HCN1: variants seen among roughly 807,000 people sequenced by gnomAD.
HCN1 encodes hyperpolarization activated cyclic nucleotide gated potassium channel 1.
HCN1 carries 13 observed loss-of-function variants against 78.9 expected under a neutral mutation model. The observed-to-expected ratio is 0.16, with a 90% CI of 0.11 to 0.26. The LOEUF is 0.26. HCN1 is among the 10% of genes least tolerant of loss of function. The pLI, the probability that HCN1 is intolerant of heterozygous loss-of-function variation, is 1.00. For synonymous variants in HCN1, 552 were observed against 455.5 expected, an observed-to-expected ratio of 1.21 and a Z score of -2.70; for missense variants, 810 against 1,154.3, an observed-to-expected ratio of 0.70 and a Z score of 4.32.
intron 2 of HCN1, among the ~76,000 whole-genome samples, chr5:45,598,281 T>A (rs965807495): frequency 2.0e-5 from 3 of 152,158 alleles, no homozygotes; most frequent in Admixed American, 1.3e-4. Flanking sequence ...AATCATCTGA[T>A]CTTCAACAAA....
rs1369806441 is a variant in HCN1, at chr5:45,384,816, C to T, written c.1230+11676G>A. Among the ~76,000 whole-genome samples, 4 of 152,128 alleles carry T rather than the reference C, an allele frequency of 2.6e-5. No homozygotes were observed. In the East Asian group the frequency reaches 7.7e-4, roughly 29 times the overall value. On this transcript the variant is annotated intron_variant, in intron 4 of 7. Coordinates refer to ENST00000303230, the MANE Select transcript of HCN1 (RefSeq NM_021072.4). ...CACATTTGTTTGGGAAATAAGAATG[C>T]TGCTTTGTATCTTTGTGACTCTGCT...
At chr5:45,520,219 T>C (rs557607216) in intron 2 of HCN1, among the ~76,000 whole-genome samples, 2 of 152,136 alleles carry the variant, frequency 1.3e-5, no homozygotes, top group South Asian at 2.1e-4. Context: ...CATTACTGCA[T>C]TGGTCATATG....
intron 1 of HCN1, among the ~76,000 whole-genome samples, chr5:45,695,316 G>A (rs921411796): frequency 1.3e-5 from 2 of 152,066 alleles, no homozygotes; most frequent in Non-Finnish European, 1.5e-5. Context: ...GTGGCTTCCC[G>A]CTTCCTCACG....
chr5:45,296,977 C>G (rs1471537066), intron 6 of HCN1, among the ~76,000 whole-genome samples: 2 of 151,972 alleles, frequency 1.3e-5, no homozygotes, highest in African/African-American at 4.8e-5. Flanking sequence ...CAGGGAAACC[C>G]TAACCCAGTG....
intron 2 of HCN1, among the ~76,000 whole-genome samples, chr5:45,567,169 T>C (rs1743724570): frequency 6.6e-6 from 1 of 152,160 alleles, no homozygotes; most frequent in South Asian, 2.1e-4. Context: ...ATATATCAAT[T>C]GAATGGAAAT....
chr5:45,611,201 T>A (rs935918197), intron 2 of HCN1, among the ~76,000 whole-genome samples: 3 of 149,602 alleles, frequency 2.0e-5, no homozygotes, highest in African/African-American at 7.3e-5. Flanking sequence ...CAGGGACGCA[T>A]CACCACACCT....
At chr5:45,675,900 G>C (rs1446692733) in intron 1 of HCN1, among the ~76,000 whole-genome samples, 1 of 151,784 alleles carries the variant, frequency 6.6e-6, no homozygotes, top group Non-Finnish European at 1.5e-5. Flanking sequence ...AAGCTCAAGA[G>C]TGAAAAGAGA....
intron 2 of HCN1, among the ~76,000 whole-genome samples, chr5:45,463,176 T>A (rs1318650079): frequency 6.6e-6 from 1 of 152,016 alleles, no homozygotes; most frequent in African/African-American, 2.4e-5. Flanking sequence ...AAAAAATACA[T>A]TTGGTTTTAG....
chr5:45,287,031 G>T (rs1198424510), intron 6 of HCN1, among the ~76,000 whole-genome samples: 3 of 151,442 alleles, frequency 2.0e-5, no homozygotes, highest in African/African-American at 7.3e-5. Context: ...ATTGAAGTAT[G>T]CTTAGAATTA....
intron 3 of HCN1, among the ~76,000 whole-genome samples, chr5:45,435,658 G>A (rs1034518639): frequency 6.6e-6 from 1 of 152,082 alleles, no homozygotes; most frequent in Middle Eastern, 3.4e-3. Context: ...ATGGGGTGTG[G>A]GTTTAATATC....
At chr5:45,394,299 A>G (rs1226026271) in intron 4 of HCN1, among the ~76,000 whole-genome samples, 1 of 152,116 alleles carries the variant, frequency 6.6e-6, no homozygotes. Flanking sequence ...AGGATGCATG[A>G]GTGCTTCTCT....
intron 2 of HCN1, among the ~76,000 whole-genome samples, chr5:45,600,155 G>T (rs1209719270): frequency 2.0e-5 from 3 of 151,618 alleles, no homozygotes; most frequent in Non-Finnish European, 4.4e-5. Context: ...CCAATTTTAG[G>T]CTTGCTTCCA....
At chr5:45,583,375 C>T (rs1028596841) in intron 2 of HCN1, among the ~76,000 whole-genome samples, 11 of 152,040 alleles carry the variant, frequency 7.2e-5, no homozygotes, top group African/African-American at 2.7e-4. Context: ...GGTGACATCC[C>T]CTTTATCATT....
At chr5:45,312,975 C>T (rs1007341218) in intron 5 of HCN1, among the ~76,000 whole-genome samples, 12 of 152,162 alleles carry the variant, frequency 7.9e-5, no homozygotes, top group African/African-American at 2.7e-4. Flanking sequence ...GCAGAAACCT[C>T]TGCAGACTTA....
intron 3 of HCN1, among the ~76,000 whole-genome samples, chr5:45,460,238 G>T (rs1741118620): frequency 6.6e-6 from 1 of 152,046 alleles, no homozygotes; most frequent in Admixed American, 6.6e-5. Context: ...CTCATAAATA[G>T]ATTAAAGAAG....
rs142148117 is a variant in HCN1 at position 45,596,517 on chromosome 5, T to C, written c.849+48668A>G. 2.6e-3 allele frequency among the ~76,000 whole-genome samples: 398 copies of C among 152,286 alleles called. 2 individuals are homozygous for C. The highest frequency in any genetic ancestry group is 4.5e-3 in the Non-Finnish European group (305 of 68,040). On this transcript the variant is annotated intron_variant, in intron 2 of 7. Transcript: ENST00000303230. The stretch of plus-strand genomic sequence containing the variant: ...GAATAACAGTTTGTGTACATAATCA[T>C]GCACAGGGAGAAAGGCATGAAACAC...
At chr5:45,470,653 G>A (rs1741372526) in intron 2 of HCN1, among the ~76,000 whole-genome samples, 2 of 151,904 alleles carry the variant, frequency 1.3e-5, no homozygotes, top group South Asian at 4.1e-4. Flanking sequence ...GTTTATTGAA[G>A]TAACTAATCT....
intron 6 of HCN1, among the ~76,000 whole-genome samples, chr5:45,270,408 T>A (rs1318537360): frequency 6.6e-6 from 1 of 152,170 alleles, no homozygotes; most frequent in African/African-American, 2.4e-5. Flanking sequence ...TAAATACTGG[T>A]TTAATCCCTG....
intron 6 of HCN1, among the ~76,000 whole-genome samples, chr5:45,292,288 T>C (rs7446444): frequency 6.6e-6 from 1 of 152,012 alleles, no homozygotes; most frequent in Non-Finnish European, 1.5e-5. Flanking sequence ...GCTATTAACA[T>C]TTAATTCAAT....
Sources: gnomAD v4.1 joint callset for allele counts (sites outside exome capture counted in the v4.1 genomes callset) on GRCh38, gnomAD v4.1.1 for gene constraint, MANE v1.5 for transcripts, NCBI Gene and HGNC (gene_info 2026-07-23, HGNC 2026-07-21) for gene names.